The following KCNMB2 variants were observed in gnomAD, a reference collection of about 807,000 sequenced individuals.
The protein encoded by KCNMB2 is calcium-activated potassium channel subunit beta-2.
In KCNMB2, 9 loss-of-function variants were observed where a neutral mutation model predicts 24.5. The ratio of observed to expected loss-of-function variants is 0.37; its 90% CI spans 0.22 to 0.64. KCNMB2 has a LOEUF of 0.64. Ranked by LOEUF, KCNMB2 falls within the 30% of genes least tolerant of loss-of-function variation. KCNMB2 has a pLI of 0.63. For synonymous variants in KCNMB2, 109 were observed against 104.4 expected (o/e 1.04, Z -0.27); for missense variants, 226 against 284.3 (o/e 0.79, Z 1.47).
intron 1 of KCNMB2, among the ~76,000 whole-genome samples, chr3:178,763,893 A>C (rs913660947): frequency 2.6e-5 from 4 of 152,164 alleles, no homozygotes; most frequent in Non-Finnish European, 4.4e-5. Flanking sequence ...ACAATAACTA[A>C]GTTAACATTC....
intron 2 of KCNMB2, among the ~76,000 whole-genome samples, chr3:178,808,683 C>T (rs887105137): frequency 6.6e-6 from 1 of 152,104 alleles, no homozygotes; most frequent in Non-Finnish European, 1.5e-5. Flanking sequence ...AAATAAATCA[C>T]TGAATGTAAT....
At chr3:178,624,017 T>C (rs1719013269) in intron 1 of KCNMB2, among the ~76,000 whole-genome samples, 1 of 152,200 alleles carries the variant, frequency 6.6e-6, no homozygotes, top group Non-Finnish European at 1.5e-5. Context: ...GCTGCCCCTT[T>C]CAGTGCCTCA....
At chr3:178,725,006 TG>T (rs1722923240) in intron 1 of KCNMB2, among the ~76,000 whole-genome samples, 1 of 152,130 alleles carries the variant, frequency 6.6e-6, no homozygotes, top group South Asian at 2.1e-4. Context: ...GACTCTTTTT[TG>T]GTGAGAAATG....
At chr3:178,751,592 A>G (rs1348547044) in intron 1 of KCNMB2, among the ~76,000 whole-genome samples, 2 of 150,508 alleles carry the variant, frequency 1.3e-5, no homozygotes, top group East Asian at 3.9e-4. Flanking sequence ...AAAAAAAAAA[A>G]AAAAAAAAAA....
In KCNMB2 at chr3:178,774,319, AAAAG is replaced by A. The variant is rs202058197; in HGVS notation, c.-67-33008_-67-33005del. Among the ~76,000 whole-genome samples the A allele has an allele frequency of 4.4e-3, 667 of 152,296 alleles. 6 individuals carry two copies. The highest frequency in any genetic ancestry group is 0.015 in the African/African-American group (632 of 41,570). ...GAGCCTTGGAAAGATACAAGGTGAA[AAAAG>A]AAAGAAAGAAAGAAAAGAAAGACAG... On this transcript the variant is annotated intron_variant, in intron 1 of 4. Transcript: ENST00000452583.
At chr3:178,695,912 A>G (rs935275607) in intron 1 of KCNMB2, among the ~76,000 whole-genome samples, 2 of 152,142 alleles carry the variant, frequency 1.3e-5, no homozygotes, top group African/African-American at 4.8e-5. Context: ...ATTTTTTGGT[A>G]TCATTATAGC....
chr3:178,675,005 T>C (rs1721025476), intron 1 of KCNMB2, among the ~76,000 whole-genome samples: 1 of 152,264 alleles, frequency 6.6e-6, no homozygotes, highest in Non-Finnish European at 1.5e-5. Context: ...CTTCCTATTA[T>C]GTCCTCTGCT....
chr3:178,809,672 T>G lies in KCNMB2; in HGVS notation c.56+2207T>G, dbSNP rs372605605. ...AGTATGTTAAAATAGAGTTGGATAT[T>G]GCATATCAAAGAAGATAATAAACAT... On this transcript the variant is annotated intron_variant, in intron 2 of 4. Coordinates refer to ENST00000452583, the MANE Select transcript of KCNMB2 (RefSeq NM_181361.3). Among the ~76,000 whole-genome samples, 3 of 152,358 alleles carry G rather than the reference T, an allele frequency of 2.0e-5. No individual in the cohort carries two copies. The East Asian group carries it at 5.8e-4, about 29-fold the overall frequency.
intron 1 of KCNMB2, among the ~76,000 whole-genome samples, chr3:178,612,363 T>G (rs1247178893): frequency 1.3e-5 from 2 of 152,188 alleles, no homozygotes; most frequent in Non-Finnish European, 2.9e-5. Flanking sequence ...CCCCAGCTAT[T>G]ATTATATTGG....
intron 1 of KCNMB2, among the ~76,000 whole-genome samples, chr3:178,787,245 CATA>C (rs574673492): frequency 4.9e-4 from 74 of 152,262 alleles, no homozygotes; most frequent in African/African-American, 1.7e-3. Flanking sequence ...GTGGTAATAG[CATA>C]TACTTAATGC....
Position 178,543,287 on chromosome 3 carries a change from G to A in KCNMB2, c.-68+6576G>A, listed in dbSNP as rs145555902. 9.4e-4 allele frequency among the ~76,000 whole-genome samples: 143 copies of A among 152,316 alleles called. 1 individual carries two copies. Among genetic ancestry groups the A allele is most frequent in the Non-Finnish European group, 1.4e-3 (94 of 68,024 alleles). On this transcript the variant is annotated intron_variant, in intron 1 of 4. Coordinates refer to ENST00000452583, the MANE Select transcript of KCNMB2 (RefSeq NM_181361.3). ...AATCAAAGAAAATGTCTGCCTCTCT[G>A]AGATACCAAACCTAATTTTATAATT...
intron 2 of KCNMB2, among the ~76,000 whole-genome samples, chr3:178,814,025 G>A (rs927858184): frequency 6.6e-6 from 1 of 151,990 alleles, no homozygotes; most frequent in Admixed American, 6.6e-5. Context: ...GACTCAGGAG[G>A]TACATGTGCA....
rs116342658 is a variant in KCNMB2, at chr3:178,683,172, C to G, written c.-67-124171C>G. ...AAGAATGAAATCGTGTTCTTTGCAG[C>G]AACATGAATGCAGCTAGAGACCATT... On this transcript the variant is annotated intron_variant, in intron 1 of 4. Transcript: ENST00000452583. Among the ~76,000 whole-genome samples, 1,144 of 152,124 alleles carry G rather than the reference C, an allele frequency of 7.5e-3. 15 individuals carry two copies. The highest frequency in any genetic ancestry group is 0.027 in the African/African-American group (1,109 of 41,494).
chr3:178,557,481 C>T (rs746804753), intron 1 of KCNMB2, among the ~76,000 whole-genome samples: 2 of 152,026 alleles, frequency 1.3e-5, no homozygotes, highest in African/African-American at 4.8e-5. Context: ...TAAGACTGGG[C>T]CATTAAAGAA....
chr3:178,640,853 T>G lies in KCNMB2; in HGVS notation c.-68+104142T>G, dbSNP rs1018816445. 2.6e-5 allele frequency among the ~76,000 whole-genome samples: 4 copies of G among 152,238 alleles called. No individual in the cohort carries two copies. In the East Asian group the frequency reaches 7.7e-4, roughly 29 times the overall value. ...TTAAGGTCAATGATCCATTTTCAGT[T>G]AAATTTTTTTTTAAGTAATAAGGTC... On this transcript the variant is annotated intron_variant, in intron 1 of 4. Transcript: ENST00000452583.
At chr3:178,617,889 T>TAAAAAAA (rs3052262) in intron 1 of KCNMB2, among the ~76,000 whole-genome samples, 1 of 99,278 alleles carries the variant, frequency 1.0e-5, no homozygotes, top group Non-Finnish European at 2.0e-5. Context: ...AGACTCTGTC[T>TAAAAAAA]AAAAAAAAAA....
chr3:178,753,581 C>CA (rs201683397), intron 1 of KCNMB2, among the ~76,000 whole-genome samples: 1,660 of 151,088 alleles, frequency 0.011, 28 homozygotes, highest in African/African-American at 0.039. Context: ...AGGGAGTTAT[C>CA]AAAAAAAAGA....
intron 3 of KCNMB2, 52 bp downstream of exon 3, chr3:178,825,810 C>G: frequency 6.8e-7 from 1 of 1,466,464 alleles, no homozygotes. Context: ...GCTCCATCCT[C>G]CCCCATCACT....
intron 2 of KCNMB2, among the ~76,000 whole-genome samples, chr3:178,819,607 G>C (rs555507821): frequency 1.5e-4 from 23 of 151,928 alleles, no homozygotes; most frequent in African/African-American, 5.3e-4. Context: ...CAGTGGGCCA[G>C]ACTTCGTGTT....
Sources: gnomAD v4.1 joint callset for allele counts (sites outside exome capture counted in the v4.1 genomes callset) on GRCh38, gnomAD v4.1.1 for gene constraint, MANE v1.5 for transcripts, NCBI Gene and HGNC (gene_info 2026-07-23, HGNC 2026-07-21) for gene names.